The following ENTREP2 variants were observed in gnomAD, a reference collection of about 807,000 sequenced individuals.
ENTREP2 encodes protein ENTREP2.
At chr15:29,335,998 C>T in the ENTREP2 span, among the ~76,000 whole-genome samples, 135 of 151,848 alleles carry the variant, frequency 8.9e-4, no homozygotes, top group South Asian at 4.6e-3. Context: ...AAAAATTAGC[C>T]GGGCCTGGTG....
At chr15:29,433,781 GAA>G in the ENTREP2 span, among the ~76,000 whole-genome samples, 17,180 of 136,680 alleles carry the variant, frequency 0.13, 1,959 homozygotes, top group African/African-American at 0.31. Context: ...TCCTCCATGG[GAA>G]AAAAAAAAAA....
At chr15:29,306,798 T>C in the ENTREP2 span, among the ~76,000 whole-genome samples, 1 of 148,294 alleles carries the variant, frequency 6.7e-6, no homozygotes. Flanking sequence ...CAGGCTGGAG[T>C]GCAGTGGCGC....
At chr15:29,369,158 A>C in the ENTREP2 span, among the ~76,000 whole-genome samples, 1 of 152,192 alleles carries the variant, frequency 6.6e-6, no homozygotes, top group African/African-American at 2.4e-5. Flanking sequence ...AAAAGGGCAG[A>C]AAATACCTTT....
the ENTREP2 span, among the ~76,000 whole-genome samples, chr15:29,343,980 T>C: frequency 6.6e-6 from 1 of 152,246 alleles, no homozygotes; most frequent in Non-Finnish European, 1.5e-5. Context: ...TTAAAAGCAC[T>C]GAGATGCAAT....
the ENTREP2 span, among the ~76,000 whole-genome samples, chr15:29,439,318 CACACACACACACACAA>C: frequency 5.3e-5 from 8 of 150,108 alleles, no homozygotes; most frequent in Admixed American, 2.0e-4. Context: ...CACACACACA[CACACACACACACACAA>C]ACAGTAGAGG....
At chr15:29,294,975 G>A in the ENTREP2 span, among the ~76,000 whole-genome samples, 2 of 152,190 alleles carry the variant, frequency 1.3e-5, no homozygotes, top group Non-Finnish European at 2.9e-5. Flanking sequence ...TGTCGGTGCT[G>A]CAAGGATGGA....
chr15:29,609,700 A>G, the ENTREP2 span: 3 of 150,282 alleles, frequency 2.0e-5, no homozygotes, highest in African/African-American at 7.3e-5. Context: ...TGTTTATTAT[A>G]TATTACCCAA....
chr15:29,606,926 C>T, the ENTREP2 span, among the ~76,000 whole-genome samples: 13 of 151,964 alleles, frequency 8.6e-5, no homozygotes, highest in South Asian at 2.1e-4. Context: ...CTCTGCCTCC[C>T]GGGTTCAAGC....
chr15:29,517,518 C>T, the ENTREP2 span, among the ~76,000 whole-genome samples: 3 of 151,838 alleles, frequency 2.0e-5, no homozygotes, highest in African/African-American at 7.3e-5. Context: ...TTGAACTTCC[C>T]GTTGTAAAAA....
At chr15:29,186,057 G>A in the ENTREP2 span, among the ~76,000 whole-genome samples, 1 of 152,110 alleles carries the variant, frequency 6.6e-6, no homozygotes, top group South Asian at 2.1e-4. Flanking sequence ...CCCCGAATGG[G>A]GCGGTGGAGC....
At chr15:29,384,142 AGGACACC>A in the ENTREP2 span, among the ~76,000 whole-genome samples, 1 of 152,156 alleles carries the variant, frequency 6.6e-6, no homozygotes, top group African/African-American at 2.4e-5. Flanking sequence ...TCACAGTCAG[AGGACACC>A]GGCCTTTCTT....
chr15:29,384,243 C>T, the ENTREP2 span, among the ~76,000 whole-genome samples: 5 of 152,180 alleles, frequency 3.3e-5, no homozygotes, highest in East Asian at 1.9e-4. Context: ...CCTCCACACC[C>T]ACTTTCTTCT....
At chr15:29,300,557 A>C in the ENTREP2 span, among the ~76,000 whole-genome samples, 5 of 152,304 alleles carry the variant, frequency 3.3e-5, no homozygotes, top group Admixed American at 2.6e-4. Context: ...GTTATGAACA[A>C]TTACCAAGAT....
At chr15:29,510,577 G>A in the ENTREP2 span, among the ~76,000 whole-genome samples, 46 of 151,900 alleles carry the variant, frequency 3.0e-4, 1 homozygote, top group African/African-American at 9.2e-4. Flanking sequence ...AGGCCGAGGC[G>A]GGCGGATCAC....
chr15:29,194,101 A>G, the ENTREP2 span, among the ~76,000 whole-genome samples: 2 of 152,264 alleles, frequency 1.3e-5, no homozygotes, highest in Admixed American at 6.5e-5. Flanking sequence ...CTAGTAGAAA[A>G]TGCACAAGTG....
chr15:29,548,667 C>T, the ENTREP2 span, among the ~76,000 whole-genome samples: 4 of 152,070 alleles, frequency 2.6e-5, no homozygotes, highest in Non-Finnish European at 5.9e-5. Flanking sequence ...AATGGGACCA[C>T]AAAATCATAA....
the ENTREP2 span, among the ~76,000 whole-genome samples, chr15:29,258,204 C>T: frequency 1.7e-5 from 2 of 118,222 alleles, no homozygotes; most frequent in South Asian, 5.9e-4. Flanking sequence ...CAGAGCAAGG[C>T]TCAGTCTCAA....
the ENTREP2 span, among the ~76,000 whole-genome samples, chr15:29,364,790 C>T: frequency 2.0e-5 from 3 of 152,060 alleles, no homozygotes; most frequent in Non-Finnish European, 4.4e-5. Context: ...AGGTTCACAG[C>T]AAAAGTTAGC....
chr15:29,181,851 T>C, the ENTREP2 span, among the ~76,000 whole-genome samples: 1 of 152,178 alleles, frequency 6.6e-6, no homozygotes, highest in Non-Finnish European at 1.5e-5. Context: ...ATATTTAGTA[T>C]TAGAAATTTT....
Sources: gnomAD v4.1 joint callset for allele counts (sites outside exome capture counted in the v4.1 genomes callset) on GRCh38, gnomAD v4.1.1 for gene constraint, MANE v1.5 for transcripts, NCBI Gene and HGNC (gene_info 2026-07-23, HGNC 2026-07-21) for gene names.